DARS2: variants seen among roughly 807,000 people sequenced by gnomAD.
DARS2 encodes aspartyl-tRNA synthetase 2, mitochondrial.
DARS2 carries 63 observed loss-of-function variants against 83.0 expected under a neutral mutation model. The observed-to-expected ratio is 0.76, with a 90% CI of 0.62 to 0.94. DARS2 has a LOEUF of 0.94. Among genes scored for constraint, DARS2 ranks in the 40% least tolerant of loss-of-function variants. The probability of loss-of-function intolerance (pLI) is 0.00; values close to 1 mark genes in which losing one functional copy is unlikely to be tolerated. For missense variants in DARS2, 675 were observed against 774.4 expected (o/e 0.87, Z 1.52); for synonymous variants, 250 against 269.3 (o/e 0.93, Z 0.70).
chr1:173,842,598 TG>T (rs1478685549), intron 11 of DARS2, among the ~76,000 whole-genome samples: 1 of 149,784 alleles, frequency 6.7e-6, no homozygotes, highest in Non-Finnish European at 1.5e-5. Context: ...CCACCATGCC[TG>T]GCCCCTCATT....
At chr1:173,825,808 C>A (rs1652504906) in intron 1 of DARS2, among the ~76,000 whole-genome samples, 1 of 151,866 alleles carries the variant, frequency 6.6e-6, no homozygotes, top group African/African-American at 2.4e-5. Flanking sequence ...TGTGTAGAAG[C>A]GAAATTCACT....
At chr1:173,839,568 G>A (rs762834607) in intron 10 of DARS2, 22 bp downstream of exon 10, 51 of 1,609,958 alleles carry the variant, frequency 3.2e-5, no homozygotes, top group Non-Finnish European at 4.3e-5. Context: ...CACTTTTCTA[G>A]GACTCTGTCC....
In DARS2 at chr1:173,845,231, A is replaced by T. The variant is rs1267358143; in HGVS notation, c.1131A>T (p.Lys377Asn). The T allele has an allele frequency of 6.3e-7, 1 of 1,596,384 alleles. No individual in the cohort carries two copies. The highest frequency in any genetic ancestry group is 1.7e-5 in the Admixed American group (1 of 59,960). Residue 377 changes from lysine to asparagine, a missense_variant and splice_region_variant, in exon 12 of 17, where the codon AAA (lysine) becomes AAT (asparagine). Lys to Asn is a moderately conservative substitution (Grantham distance 94). Transcript: ENST00000649689. ...VKAICIPEGAKYLKRKDIESI... is the reference protein window; with the variant it reads ...VKAICIPEGANYLKRKDIESI... ...TACTTTGATTTTTCTTTCATCAGAA[A>T]TACTTAAAAAGGAAAGACATTGAAT...
intron 13 of DARS2, among the ~76,000 whole-genome samples, chr1:173,852,904 C>T (rs1238973795): frequency 6.6e-6 from 1 of 152,156 alleles, no homozygotes; most frequent in Non-Finnish European, 1.5e-5. Context: ...TCACCACAAC[C>T]CTTCAAGAGA....
chr1:173,853,253 T>G, intron 13 of DARS2, 96 bp from the exon 14 acceptor site: 2 of 1,216,942 alleles, frequency 1.6e-6, no homozygotes, highest in Non-Finnish European at 2.4e-6. Context: ...GGCTAATCCT[T>G]TCCTAGAGAA....
At position 173,826,866 on chromosome 1, in the gene DARS2, A is replaced by G. The variant is rs191702428; in HGVS notation, c.227+80A>G. 115 of 1,039,244 alleles carry G rather than the reference A, an allele frequency of 1.1e-4. No homozygotes were observed. The East Asian group carries it at 2.3e-3, about 21-fold the overall frequency. 64.4% of individuals were successfully genotyped at this position (1,039,244 alleles called of 1,614,324 possible). ...TCCAAACCTTTACTAATTTACAACC[A>G]GTCCGAAGAATAAAACGTTTTGCAA... is the stretch of plus-strand genomic sequence containing the variant. On this transcript the variant is annotated intron_variant, in intron 2 of 16. Coordinates refer to ENST00000649689, the MANE Select transcript of DARS2 (RefSeq NM_018122.5).
chr1:173,850,545 T>G (rs1004139718), intron 13 of DARS2, 66 bp downstream of exon 13: 1 of 1,518,818 alleles, frequency 6.6e-7, no homozygotes, highest in Non-Finnish European at 9.1e-7. Context: ...CTCCTATGTA[T>G]ATAGTATACG....
intron 16 of DARS2, 72 bp downstream of exon 16, chr1:173,856,813 T>C: frequency 7.5e-7 from 1 of 1,336,284 alleles, no homozygotes; most frequent in South Asian, 1.2e-5. Context: ...TCTCAGTTTG[T>C]GTTGGTAGAG....
intron 10 of DARS2, among the ~76,000 whole-genome samples, chr1:173,839,797 T>A (rs1416443506): frequency 6.6e-6 from 1 of 152,192 alleles, no homozygotes; most frequent in Non-Finnish European, 1.5e-5. Flanking sequence ...TACTTGCAAG[T>A]TATTGATTAT....
rs1653547658 is a variant in DARS2, at chr1:173,849,104, G to T, written c.1192-1223G>T. 1.4e-5 allele frequency among the ~76,000 whole-genome samples: 2 copies of T among 143,588 alleles called. 1 individual carries two copies. The highest frequency in any genetic ancestry group is 4.4e-4 in the South Asian group (2 of 4,498). The allele number at this position is 143,588 out of a possible 152,430, so 94.2% of individuals were successfully genotyped here. A position where few individuals can be genotyped will look rare whatever the true frequency, so the allele number is the denominator to read the frequency against. ...CTTTGAGGATTCAAGTTCTCTTTTGGTCCATAACTTATGTTTTCTCTGGGG... is the reference window on the plus strand; with the variant it reads ...CTTTGAGGATTCAAGTTCTCTTTTGTTCCATAACTTATGTTTTCTCTGGGG... On this transcript the variant is annotated intron_variant, in intron 12 of 16. Transcript: ENST00000649689.
intron 11 of DARS2, among the ~76,000 whole-genome samples, chr1:173,844,778 ATTTTTTTTTTTTTTTT>A (rs1164469532): frequency 1.1e-4 from 6 of 56,838 alleles, no homozygotes; most frequent in Non-Finnish European, 1.9e-4. Context: ...CAGAAATTGG[ATTTTTTTTTTTTTTTT>A]TTTTTTTTTT....
intron 15 of DARS2, 71 bp from the exon 16 acceptor site, chr1:173,856,595 T>G: frequency 7.3e-7 from 1 of 1,375,398 alleles, no homozygotes; most frequent in East Asian, 2.3e-5. Flanking sequence ...CCCTTTATCA[T>G]CTAAGCCTAG....
At chr1:173,837,395 T>C (rs1653043888) in intron 8 of DARS2, among the ~76,000 whole-genome samples, 1 of 152,168 alleles carries the variant, frequency 6.6e-6, no homozygotes, top group Non-Finnish European at 1.5e-5. Context: ...ATTTGCAAGT[T>C]AGGTGTTAAG....
At chr1:173,850,605 C>CAT in intron 13 of DARS2, 126 bp downstream of exon 13, 4 of 689,088 alleles carry the variant, frequency 5.8e-6, no homozygotes, top group Admixed American at 3.4e-5. Flanking sequence ...CTGCATAAAT[C>CAT]TTTTTTTTTT....
In DARS2 at chr1:173,857,884, T is replaced by C. The variant is rs1025226694; in HGVS notation, c.*179T>C. 1.4e-6 allele frequency: 1 copy of C among 692,244 alleles called. No individual in the cohort carries two copies. Among genetic ancestry groups the C allele is most frequent in the South Asian group, 1.8e-5 (1 of 55,282 alleles). The allele number at this position is 692,244 out of a possible 1,614,324, so 42.9% of individuals were successfully genotyped here. On this transcript the variant is annotated 3_prime_UTR_variant, in exon 17 of 17. Transcript: ENST00000649689. ...AGATAAAAGATACCCAATTTTGACT[T>C]GATTTCATGCATCATTTGGATTTTT...
chr1:173,827,091 G>A (rs9286890), intron 2 of DARS2, among the ~76,000 whole-genome samples: 1 of 152,062 alleles, frequency 6.6e-6, no homozygotes, highest in African/African-American at 2.4e-5. Context: ...TAAGACTGAA[G>A]AGTTCCTATA....
intron 1 of DARS2, among the ~76,000 whole-genome samples, chr1:173,825,837 C>T (rs1328915071): frequency 2.0e-5 from 3 of 150,832 alleles, no homozygotes; most frequent in African/African-American, 7.3e-5. Context: ...ATTCATTATA[C>T]GGCAGTTTTT....
Position 173,845,240 on chromosome 1 carries a change from A to G in DARS2, c.1140A>G (p.Lys380=). The change falls in exon 12 of 17, where the codon AAA becomes AAG. Residue 380 remains lysine (K), a synonymous_variant. Coordinates refer to ENST00000649689, the MANE Select transcript of DARS2 (RefSeq NM_018122.5). ...TTTTCTTTCATCAGAAATACTTAAA[A>G]AGGAAAGACATTGAATCCATTAGAA... ...ICIPEGAKYL[K]RKDIESIRNF... The G allele has an allele frequency of 6.2e-7, 1 of 1,606,132 alleles. No individual in the cohort carries two copies. The highest frequency in any genetic ancestry group is 8.5e-7 in the Non-Finnish European group (1 of 1,172,886).
chr1:173,842,317 T>TTTTG lies in DARS2; in HGVS notation c.1128+1344_1128+1345insTTTG, dbSNP rs1304745729. The stretch of plus-strand genomic sequence containing the variant: ...TTTTTTTTTTTTTTTTTTTTTTTTT[T>TTTTG]AGAGTGAGTCTTGCTCTGTCGCCCA... On this transcript the variant is annotated intron_variant, in intron 11 of 16. Transcript: ENST00000649689. Among the ~76,000 whole-genome samples, 38 of 116,624 alleles carry TTTTG rather than the reference T, an allele frequency of 3.3e-4. 4 individuals carry two copies. Among genetic ancestry groups the TTTTG allele is most frequent in the African/African-American group, 1.4e-3 (34 of 23,536 alleles). The allele number at this position is 116,624 out of a possible 152,430, so 76.5% of individuals were successfully genotyped here. A position where few individuals can be genotyped will look rare whatever the true frequency, so the allele number is the denominator to read the frequency against.
Sources: allele counts gnomAD v4.1 joint callset (sites outside exome capture counted in the v4.1 genomes callset), GRCh38; gene constraint gnomAD v4.1.1; transcripts MANE v1.5; gene names NCBI Gene and HGNC (gene_info 2026-07-23, HGNC 2026-07-21).